Variants in CDKN2C observed in about 807,000 individuals in gnomAD.
CDKN2C encodes the protein cyclin dependent kinase inhibitor 2C, also known as cyclin-dependent kinase 4 inhibitor C.
CDKN2C carries 5 observed loss-of-function variants against 11.0 expected under a neutral mutation model. The observed-to-expected ratio is 0.45, with a 90% confidence interval of 0.24 to 0.95. The LOEUF (loss-of-function observed/expected upper bound fraction) is 0.95. Ranked by LOEUF, CDKN2C falls within the 40% of genes least tolerant of loss-of-function variation. The pLI is 0.21. For missense variants in CDKN2C, 161 were observed against 211.9 expected, an observed-to-expected ratio of 0.76 and a Z score of 1.49; for synonymous variants, 79 against 88.3, an observed-to-expected ratio of 0.89 and a Z score of 0.59.
At position 50,974,240 on chromosome 1, in the gene CDKN2C, C is replaced by T. The variant is rs2500450; in HGVS notation, c.477C>T (p.Asn159=). 761 of 1,581,340 alleles carry T rather than the reference C, an allele frequency of 4.8e-4. 3 individuals are homozygous for T. In the African/African-American group the frequency reaches 8.8e-3, roughly 18 times the overall value. The change falls in exon 2 of 2, where the codon AAC becomes AAT. Residue 159 remains asparagine (N), a synonymous_variant. Coordinates refer to ENST00000371761, the MANE Select transcript of CDKN2C (RefSeq NM_078626.3). ...AGGTTGTTAGCCTGATGCAGGCAAA[C>T]GGGGCTGGGGGAGCCACAAATCTTC... ...RNEVVSLMQA[N]GAGGATNLQ
At chr1:50,970,109 C>A, upstream of CDKN2C, 1 of 533,984 alleles carries the variant, frequency 1.9e-6, no homozygotes, top group South Asian at 2.1e-5. Flanking sequence ...CAGAATTCTT[C>A]ATAGGGGTTA....
intron 1 of CDKN2C, among the ~76,000 whole-genome samples, chr1:50,963,698 G>A (rs1249481680): frequency 3.3e-5 from 5 of 151,978 alleles, no homozygotes; most frequent in African/African-American, 1.2e-4. Context: ...GATAAGAGAA[G>A]GGAAGAAAAA....
At chr1:50,967,877 G>C (rs1304895269), upstream of CDKN2C, 1 of 152,090 alleles carries the variant, frequency 6.6e-6, no homozygotes, top group Non-Finnish European at 1.5e-5. Flanking sequence ...CACTTCACAC[G>C]ACTTATTTTA....
chr1:50,968,667 C>G (rs1645361895), upstream of CDKN2C: 2 of 152,166 alleles, frequency 1.3e-5, no homozygotes, highest in Admixed American at 1.3e-4. Context: ...GGGCGGCGCC[C>G]GGCCTTCCCG....
At chr1:50,973,559 G>T (rs3176470) in intron 1 of CDKN2C, among the ~76,000 whole-genome samples, 1 of 152,136 alleles carries the variant, frequency 6.6e-6, no homozygotes, top group African/African-American at 2.4e-5. Context: ...TAATAAATTC[G>T]TGAAATTACA....
At chr1:50,971,585 A>G (rs1454575052) in intron 1 of CDKN2C, among the ~76,000 whole-genome samples, 1 of 152,224 alleles carries the variant, frequency 6.6e-6, no homozygotes, top group Admixed American at 6.5e-5. Flanking sequence ...ACATTAAGTA[A>G]TGATTTTTTT....
At chr1:50,965,302 A>G (rs1468940577), upstream of CDKN2C, among the ~76,000 whole-genome samples, 2 of 152,046 alleles carry the variant, frequency 1.3e-5, no homozygotes, top group Non-Finnish European at 2.9e-5. Flanking sequence ...GATGGAGACC[A>G]TCCTGGCCAA....
intron 1 of CDKN2C, among the ~76,000 whole-genome samples, chr1:50,972,010 G>A (rs1373044488): frequency 3.3e-5 from 5 of 151,880 alleles, no homozygotes; most frequent in Admixed American, 6.5e-5. Flanking sequence ...CTTCAAAACC[G>A]TTTCCAATAT....
At position 50,974,516 on chromosome 1, in the gene CDKN2C, T is replaced by C. The variant is rs1645399211; in HGVS notation, c.*246T>C. The C allele has an allele frequency of 2.6e-6, 1 of 380,228 alleles. No homozygotes were observed. The highest frequency in any genetic ancestry group is 9.9e-5 in the South Asian group (1 of 10,058). The allele number at this position is 380,228 out of a possible 1,614,324, so 23.6% of individuals were successfully genotyped here. On this transcript the variant is annotated 3_prime_UTR_variant, in exon 2 of 2. Coordinates refer to ENST00000371761, the MANE Select transcript of CDKN2C (RefSeq NM_078626.3). Reference sequence around the variant, plus strand: ...TTGACTTTCTTCTGAATATTTTATCTTTCCTTGGCTTTTCCCTTGCTTCCC... The same window carrying C: ...TTGACTTTCTTCTGAATATTTTATCCTTCCTTGGCTTTTCCCTTGCTTCCC...
chr1:50,973,754 C>G (rs1645392128), intron 1 of CDKN2C, 139 bp from the exon 2 acceptor site: 1 of 1,033,894 alleles, frequency 9.7e-7, no homozygotes, highest in Non-Finnish European at 1.5e-6. Flanking sequence ...TTGACCCCTT[C>G]AAGCCCCATC....
At chr1:50,970,541 C>T (rs781616979) in intron 1 of CDKN2C, 44 bp downstream of exon 1, 9 of 1,609,492 alleles carry the variant, frequency 5.6e-6, no homozygotes, top group South Asian at 3.3e-5. Context: ...ATAATGTTGC[C>T]TACGTGACCC....
At chr1:50,973,756 A>G (rs1645392137) in intron 1 of CDKN2C, 137 bp from the exon 2 acceptor site, 1 of 1,047,704 alleles carries the variant, frequency 9.5e-7, no homozygotes, top group East Asian at 2.4e-5. Context: ...GACCCCTTCA[A>G]GCCCCATCCT....
At chr1:50,964,433 CTTGAG>C (rs1254879315) in intron 1 of CDKN2C, among the ~76,000 whole-genome samples, 4 of 152,200 alleles carry the variant, frequency 2.6e-5, no homozygotes, top group Admixed American at 1.3e-4. Context: ...GTGTTATCAA[CTTGAG>C]TTATTACTGG....
chr1:50,973,747 AC>A, intron 1 of CDKN2C, 145 bp from the exon 2 acceptor site: 1 of 924,142 alleles, frequency 1.1e-6, no homozygotes, highest in Non-Finnish European at 1.7e-6. Context: ...TCTGCATTTG[AC>A]CCCTTCAAGC....
intron 1 of CDKN2C, among the ~76,000 whole-genome samples, chr1:50,964,151 A>G (rs1336829229): frequency 6.6e-6 from 1 of 152,240 alleles, no homozygotes; most frequent in Admixed American, 6.5e-5. Flanking sequence ...ACACTGCTAA[A>G]TACTACTAGT....
rs1557610033 is a variant in CDKN2C at position 50,974,529 on chromosome 1, T to TAG, written c.*259_*260insAG. 2.8e-6 allele frequency: 1 copy of TAG among 360,430 alleles called. No individual in the cohort carries two copies. The highest frequency in any genetic ancestry group is 4.1e-5 in the East Asian group (1 of 24,138). 22.3% of individuals were successfully genotyped at this position (360,430 alleles called of 1,614,324 possible). ...GAATATTTTATCTTTCCTTGGCTTT[T>TAG]CCCTTGCTTCCCCTTTTGCCAATCT... On this transcript the variant is annotated 3_prime_UTR_variant, in exon 2 of 2. Coordinates refer to ENST00000371761, the MANE Select transcript of CDKN2C (RefSeq NM_078626.3).
chr1:50,966,882 T>A (rs1403976914), upstream of CDKN2C, among the ~76,000 whole-genome samples: 1 of 152,218 alleles, frequency 6.6e-6, no homozygotes, highest in Non-Finnish European at 1.5e-5. Context: ...TATTTCTATA[T>A]AAGGAAGAGG....
At chr1:50,961,014 T>TTA (rs1216346288) in intron 1 of CDKN2C, among the ~76,000 whole-genome samples, 2 of 149,480 alleles carry the variant, frequency 1.3e-5, no homozygotes, top group African/African-American at 2.5e-5. Context: ...GTCAGTCTAT[T>TTA]TTTATTTATT....
At chr1:50,972,146 A>G (rs1557609356) in intron 1 of CDKN2C, among the ~76,000 whole-genome samples, 1 of 152,124 alleles carries the variant, frequency 6.6e-6, no homozygotes, top group African/African-American at 2.4e-5. Context: ...AAAGGCCTTA[A>G]TCGTATGTTT....
Sources: gnomAD v4.1 joint callset for allele counts (sites outside exome capture counted in the v4.1 genomes callset) on GRCh38, gnomAD v4.1.1 for gene constraint, MANE v1.5 for transcripts, NCBI Gene and HGNC (gene_info 2026-07-23, HGNC 2026-07-21) for gene names.